The following PTPRD variants were observed in gnomAD, a reference collection of about 807,000 sequenced individuals.
The protein encoded by PTPRD is receptor-type tyrosine-protein phosphatase delta.
A neutral mutation model predicts 214.5 loss-of-function variants in PTPRD; 34 were observed. The observed-to-expected ratio is 0.16, with a 90% CI of 0.12 to 0.21. PTPRD has a LOEUF of 0.21. Among genes scored for constraint, PTPRD ranks in the 10% least tolerant of loss-of-function variants. The pLI, the probability that PTPRD is intolerant of heterozygous loss-of-function variation, is 1.00. For missense variants in PTPRD, 2,545 were observed against 2,398.7 expected, an observed-to-expected ratio of 1.06 and a Z score of -1.27; for synonymous variants, 1,128 against 845.7, an observed-to-expected ratio of 1.33 and a Z score of -5.79.
At position 8,432,459 on chromosome 9, in the gene PTPRD, G is replaced by A. The variant is rs79187202; in HGVS notation, c.4086+4133C>T. Among the ~76,000 whole-genome samples, 998 of 152,216 alleles carry A rather than the reference G, an allele frequency of 6.6e-3. 6 individuals are homozygous for A. The highest frequency in any genetic ancestry group is 0.011 in the Non-Finnish European group (739 of 68,016). Reference sequence around the variant, plus strand: ...CTACTTCCTCGTATTCTGACCTCAGGATCAGTGCAAACAGCTTTCACGCCT... The same window carrying A: ...CTACTTCCTCGTATTCTGACCTCAGAATCAGTGCAAACAGCTTTCACGCCT... On this transcript the variant is annotated intron_variant, in intron 35 of 45. Transcript: ENST00000381196.
chr9:10,348,643 A>G (rs1057289313), intron 2 of PTPRD, among the ~76,000 whole-genome samples: 3 of 152,226 alleles, frequency 2.0e-5, no homozygotes, highest in Non-Finnish European at 4.4e-5. Flanking sequence ...CCCTGTTTGC[A>G]TATAACATTT....
intron 11 of PTPRD, among the ~76,000 whole-genome samples, chr9:8,808,074 C>T (rs1198059883): frequency 6.6e-6 from 1 of 152,144 alleles, no homozygotes; most frequent in Admixed American, 6.5e-5. Flanking sequence ...AATTGATTTC[C>T]CCCTGCTCTT....
At chr9:9,390,146 T>G (rs900747009) in intron 9 of PTPRD, among the ~76,000 whole-genome samples, 1 of 152,028 alleles carries the variant, frequency 6.6e-6, no homozygotes, top group Non-Finnish European at 1.5e-5. Context: ...CTGACATTGG[T>G]TGGGGATTCC....
At chr9:9,569,285 A>T (rs1409894152) in intron 8 of PTPRD, among the ~76,000 whole-genome samples, 1 of 151,776 alleles carries the variant, frequency 6.6e-6, no homozygotes, top group Non-Finnish European at 1.5e-5. Context: ...AGGGGAAAAA[A>T]AAAAGGTATT....
chr9:9,346,320 A>G (rs533845265), intron 9 of PTPRD, among the ~76,000 whole-genome samples: 2 of 152,300 alleles, frequency 1.3e-5, no homozygotes, highest in South Asian at 4.1e-4. Flanking sequence ...GGGAGGGTCA[A>G]TATTCATGTG....
At chr9:10,306,815 G>A (rs950939277) in intron 3 of PTPRD, among the ~76,000 whole-genome samples, 2 of 152,040 alleles carry the variant, frequency 1.3e-5, no homozygotes, top group Non-Finnish European at 2.9e-5. Context: ...GTTTCTGTGA[G>A]TTCTAGTATT....
At chr9:8,846,577 T>A (rs557485770) in intron 11 of PTPRD, among the ~76,000 whole-genome samples, 7 of 152,188 alleles carry the variant, frequency 4.6e-5, no homozygotes, top group African/African-American at 1.7e-4. Flanking sequence ...AGCTATGCCC[T>A]GAAGGAAGAA....
Position 10,464,412 on chromosome 9 carries a change from C to CAGAG in PTPRD, c.-599-123399_-599-123396dup, listed in dbSNP as rs139389141. On this transcript the variant is annotated intron_variant, in intron 2 of 45. Coordinates refer to ENST00000381196, the MANE Select transcript of PTPRD (RefSeq NM_002839.4). ...AAAGAGAGAGAGAGAGATAGAGAGA[C>CAGAG]AGAGAGAGAGAGAGAGAGACAGAGA... is the stretch of plus-strand genomic sequence containing the variant. Among the ~76,000 whole-genome samples the CAGAG allele has an allele frequency of 1.4e-3, 198 of 143,456 alleles. 2 individuals are homozygous for CAGAG. The East Asian group carries it at 0.015, about 11-fold the overall frequency. 94.1% of individuals were successfully genotyped at this position (143,456 alleles called of 152,430 possible).
In PTPRD at chr9:9,423,403, C is replaced by G. The variant is rs1190064750; in HGVS notation, c.-236-25921G>C. Among the ~76,000 whole-genome samples, 4 of 152,162 alleles carry G rather than the reference C, an allele frequency of 2.6e-5. No individual in the cohort carries two copies. The East Asian group carries it at 5.8e-4, about 22-fold the overall frequency. On this transcript the variant is annotated intron_variant, in intron 8 of 45. Coordinates refer to ENST00000381196, the MANE Select transcript of PTPRD (RefSeq NM_002839.4). Reference sequence around the variant, plus strand: ...GGGACCTGTCACCAGGAAACTGAATCAGCCAGCCTCTTGATCTTGGACTTC... The same window carrying G: ...GGGACCTGTCACCAGGAAACTGAATGAGCCAGCCTCTTGATCTTGGACTTC...
At chr9:8,505,224 T>C (rs2097517496) in intron 22 of PTPRD, among the ~76,000 whole-genome samples, 1 of 152,236 alleles carries the variant, frequency 6.6e-6, no homozygotes, top group Non-Finnish European at 1.5e-5. Flanking sequence ...AACATCAGCC[T>C]GCAGTAAACC....
intron 5 of PTPRD, among the ~76,000 whole-genome samples, chr9:9,910,777 G>C (rs2078962973): frequency 6.6e-6 from 1 of 151,946 alleles, no homozygotes; most frequent in Non-Finnish European, 1.5e-5. Flanking sequence ...GCAGGTAACT[G>C]TTTTCCAAGT....
At chr9:9,649,585 G>A (rs1464259225) in intron 7 of PTPRD, among the ~76,000 whole-genome samples, 2 of 152,146 alleles carry the variant, frequency 1.3e-5, no homozygotes, top group African/African-American at 4.8e-5. Context: ...TACTTTGAGT[G>A]AGACTAAATA....
At chr9:9,959,508 A>G (rs2094197115) in intron 4 of PTPRD, among the ~76,000 whole-genome samples, 1 of 152,212 alleles carries the variant, frequency 6.6e-6, no homozygotes, top group South Asian at 2.1e-4. Flanking sequence ...TAAAAAATTT[A>G]GCAGATTGGA....
intron 5 of PTPRD, among the ~76,000 whole-genome samples, chr9:9,837,370 A>C (rs1440008346): frequency 1.3e-5 from 2 of 152,138 alleles, no homozygotes; most frequent in Non-Finnish European, 1.5e-5. Context: ...GGATGTAGCT[A>C]TTGCATGGCT....
chr9:10,597,850 CA>C (rs2076972222), intron 2 of PTPRD, among the ~76,000 whole-genome samples: 1 of 151,812 alleles, frequency 6.6e-6, no homozygotes, highest in African/African-American at 2.4e-5. Flanking sequence ...ATATTAAGAA[CA>C]TAACAGGACT....
intron 4 of PTPRD, among the ~76,000 whole-genome samples, chr9:9,994,466 A>T (rs988565220): frequency 1.3e-5 from 2 of 152,008 alleles, no homozygotes; most frequent in Non-Finnish European, 2.9e-5. Context: ...CTGTTTGTTT[A>T]TCTCCCTCCC....
chr9:8,506,139 A>G (rs1160829255), intron 22 of PTPRD, among the ~76,000 whole-genome samples: 1 of 152,230 alleles, frequency 6.6e-6, no homozygotes, highest in African/African-American at 2.4e-5. Flanking sequence ...ATTTATTATA[A>G]CATCCAAAAT....
intron 2 of PTPRD, among the ~76,000 whole-genome samples, chr9:10,501,383 G>A (rs1381243111): frequency 6.6e-6 from 1 of 151,976 alleles, no homozygotes; most frequent in Non-Finnish European, 1.5e-5. Flanking sequence ...TTTTAAATCA[G>A]ATTTTTTTCT....
At chr9:9,263,672 A>G (rs1594785633) in intron 9 of PTPRD, among the ~76,000 whole-genome samples, 1 of 151,668 alleles carries the variant, frequency 6.6e-6, no homozygotes, top group Non-Finnish European at 1.5e-5. Flanking sequence ...TGAAATTTTC[A>G]TCTGCTAGCC....
Sources: allele counts gnomAD v4.1 joint callset (sites outside exome capture counted in the v4.1 genomes callset), GRCh38; gene constraint gnomAD v4.1.1; transcripts MANE v1.5; gene names NCBI Gene and HGNC (gene_info 2026-07-23, HGNC 2026-07-21).